The following DPYSL5 variants were observed in gnomAD, a reference collection of about 807,000 sequenced individuals.
DPYSL5 encodes the protein dihydropyrimidinase like 5.
Under a neutral mutation model 58.4 loss-of-function variants are expected in DPYSL5, and 9 were observed. The ratio of observed to expected loss-of-function variants is 0.15; its 90% CI spans 0.09 to 0.27. The LOEUF is 0.27. DPYSL5 is among the 10% of genes least tolerant of loss of function. The probability of loss-of-function intolerance (pLI) is 1.00; values close to 1 mark genes in which losing one functional copy is unlikely to be tolerated. For missense variants in DPYSL5, 499 were observed against 770.6 expected (o/e 0.65, Z 4.17); for synonymous variants, 293 against 301.9 (o/e 0.97, Z 0.31).
intron 2 of DPYSL5, among the ~76,000 whole-genome samples, chr2:26,917,667 G>A (rs1330913253): frequency 6.6e-6 from 1 of 152,204 alleles, no homozygotes; most frequent in Non-Finnish European, 1.5e-5. Flanking sequence ...AATTAGCTGA[G>A]TTGACAATGA....
At chr2:26,882,635 T>G (rs771219624) in intron 1 of DPYSL5, among the ~76,000 whole-genome samples, 7 of 152,178 alleles carry the variant, frequency 4.6e-5, no homozygotes, top group Non-Finnish European at 8.8e-5. Context: ...GAGTGGTGGC[T>G]CATGCCTATA....
intron 1 of DPYSL5, among the ~76,000 whole-genome samples, chr2:26,883,271 A>C (rs1320796387): frequency 6.6e-6 from 1 of 152,072 alleles, no homozygotes. Context: ...TTTTCTGATT[A>C]TCATTTCCTT....
At chr2:26,874,462 T>C (rs1192042615) in intron 1 of DPYSL5, among the ~76,000 whole-genome samples, 1 of 152,228 alleles carries the variant, frequency 6.6e-6, no homozygotes, top group Non-Finnish European at 1.5e-5. Context: ...CATCATTTGT[T>C]GAAAGACTAC....
chr2:26,893,678 G>A (rs1241294903), intron 1 of DPYSL5, among the ~76,000 whole-genome samples: 1 of 152,134 alleles, frequency 6.6e-6, no homozygotes, highest in African/African-American at 2.4e-5. Flanking sequence ...CTGAGGATGG[G>A]GAGCGGGCGG....
intron 5 of DPYSL5, among the ~76,000 whole-genome samples, chr2:26,930,082 C>T (rs1273795307): frequency 1.3e-5 from 2 of 152,180 alleles, no homozygotes; most frequent in South Asian, 2.1e-4. Flanking sequence ...CGAGTGGGTC[C>T]GCTGAGGAGT....
intron 2 of DPYSL5, among the ~76,000 whole-genome samples, chr2:26,908,755 G>A (rs1299318507): frequency 6.6e-6 from 1 of 152,224 alleles, no homozygotes; most frequent in Non-Finnish European, 1.5e-5. Flanking sequence ...AGTACAAGAA[G>A]CTTTGCTTTA....
rs755509744 is a variant in DPYSL5 at position 26,942,038 on chromosome 2, G to T, written c.1178G>T (p.Arg393Leu). The T allele has an allele frequency of 6.2e-7, 1 of 1,614,180 alleles. No homozygotes were observed. The highest frequency in any genetic ancestry group is 8.5e-7 in the Non-Finnish European group (1 of 1,180,038). ...KLLNLYPRKG[R>L]IIPGADADVV... ...CTGAACCTGTATCCCCGCAAGGGCC[G>T]CATTATTCCCGGAGCCGATGCTGAT... Residue 393 changes from arginine (R) to leucine (L), a missense_variant, in exon 10 of 13, where the codon CGC becomes CTC. Transcript: ENST00000288699. The surrounding 1 kb of genome is among the most constrained non-coding windows in gnomAD (Gnocchi z 5.9).
intron 1 of DPYSL5, among the ~76,000 whole-genome samples, chr2:26,858,009 G>A (rs1002861174): frequency 1.3e-5 from 2 of 152,148 alleles, no homozygotes; most frequent in African/African-American, 4.8e-5. Context: ...GCAGCCAGAG[G>A]AGCCTGCCAA....
intron 1 of DPYSL5, among the ~76,000 whole-genome samples, chr2:26,871,962 T>C (rs1663271652): frequency 6.6e-6 from 1 of 152,202 alleles, no homozygotes; most frequent in Admixed American, 6.5e-5. Flanking sequence ...GGTCTTTCCT[T>C]TGCTAAAAAG....
At chr2:26,853,864 C>T (rs1388679331) in intron 1 of DPYSL5, among the ~76,000 whole-genome samples, 1 of 152,100 alleles carries the variant, frequency 6.6e-6, no homozygotes, top group Non-Finnish European at 1.5e-5. Context: ...CATAGGGAAA[C>T]TCCATCTCTA....
At chr2:26,939,968 T>G in intron 8 of DPYSL5, 63 bp from the exon 9 acceptor site, 5 of 1,604,794 alleles carry the variant, frequency 3.1e-6, no homozygotes, top group Non-Finnish European at 4.3e-6. Context: ...CCTATATCTA[T>G]CCTCACCCTC....
rs532695510 is a variant in DPYSL5, at chr2:26,849,870, C to T, written c.-5+1616C>T. Among the ~76,000 whole-genome samples the T allele has an allele frequency of 2.0e-5, 3 of 152,208 alleles. No individual in the cohort carries two copies. The highest frequency in any genetic ancestry group is 1.9e-4 in the East Asian group (1 of 5,164). On this transcript the variant is annotated intron_variant, in intron 1 of 12. Coordinates refer to ENST00000288699, the MANE Select transcript of DPYSL5 (RefSeq NM_020134.4). The surrounding 1 kb of genome is among the most constrained non-coding windows in gnomAD (Gnocchi z 6.2). ...GGGGGCCTGCAGACAGCCACCCCCC[C>T]ACTCCGGCTCGGGTGCCTTCTGGTG...
chr2:26,936,901 G>A (rs1003311515), intron 8 of DPYSL5, among the ~76,000 whole-genome samples: 6 of 127,708 alleles, frequency 4.7e-5, no homozygotes, highest in Non-Finnish European at 7.8e-5. Context: ...AGCTGAGATC[G>A]CACAACTGCA....
chr2:26,934,513 C>T lies in DPYSL5; in HGVS notation c.791-65C>T. On this transcript the variant is annotated intron_variant, in intron 7 of 12. Transcript: ENST00000288699. The surrounding 1 kb of genome is among the most constrained non-coding windows in gnomAD (Gnocchi z 4.3). ...GCTCCTTCACCTGTAAAATGAGAGG[C>T]ACACACCAGCGATCGCTCAGGTTCG... The T allele has an allele frequency of 6.4e-7, 1 of 1,556,558 alleles. No homozygotes were observed. Among genetic ancestry groups the T allele is most frequent in the Non-Finnish European group, 8.7e-7 (1 of 1,149,136 alleles).
chr2:26,860,183 G>A (rs1381774895), intron 1 of DPYSL5, among the ~76,000 whole-genome samples: 3 of 152,212 alleles, frequency 2.0e-5, no homozygotes, highest in African/African-American at 4.8e-5. Context: ...TAATGGTATT[G>A]TCCAGATGCT....
In DPYSL5 at chr2:26,898,661, A is replaced by G; in HGVS notation, c.162A>G (p.Thr54=). ...GCGGGGCCAAGGTGATTGATGCCAC[A>G]GGAAAACTGGTGATCCCTGGTGGCA... ...IPGGAKVIDA[T]GKLVIPGGID... Residue 54 remains threonine (T), a synonymous_variant, in exon 2 of 13, where the codon ACA becomes ACG. Transcript: ENST00000288699. This position sits in a 1 kb window ranked among gnomAD's most constrained non-coding sequence, Gnocchi z 6.1. 3 of 1,614,200 alleles carry G rather than the reference A, an allele frequency of 1.9e-6. No homozygotes were observed. The highest frequency in any genetic ancestry group is 1.3e-5 in the African/African-American group (1 of 75,044).
chr2:26,863,919 G>A (rs540644515), intron 1 of DPYSL5, among the ~76,000 whole-genome samples: 45 of 152,034 alleles, frequency 3.0e-4, no homozygotes, highest in Admixed American at 4.6e-4. Context: ...TTTCCTTTTC[G>A]TTTTAATAGA....
intron 5 of DPYSL5, among the ~76,000 whole-genome samples, chr2:26,929,955 A>T (rs1441205823): frequency 2.0e-5 from 3 of 152,222 alleles, no homozygotes; most frequent in South Asian, 4.1e-4. Context: ...TTCAAAGCCT[A>T]AAAATGCAGA....
intron 1 of DPYSL5, among the ~76,000 whole-genome samples, chr2:26,871,085 T>C (rs1215495112): frequency 6.6e-6 from 1 of 152,150 alleles, no homozygotes; most frequent in African/African-American, 2.4e-5. Context: ...CCATGTTCAG[T>C]GGAGTTCTTG....
Sources: allele counts gnomAD v4.1 joint callset (sites outside exome capture counted in the v4.1 genomes callset), GRCh38; gene constraint gnomAD v4.1.1; non-coding constraint Gnocchi (gnomAD v3.1); transcripts MANE v1.5; gene names NCBI Gene and HGNC (gene_info 2026-07-23, HGNC 2026-07-21).